Variants in GDAP1L1 observed in about 807,000 individuals in gnomAD.
GDAP1L1 encodes the protein ganglioside-induced differentiation-associated protein 1-like 1.
A neutral mutation model predicts 37.1 loss-of-function variants in GDAP1L1; 21 were observed. The observed-to-expected ratio is 0.57, with a 90% CI of 0.40 to 0.81. The LOEUF (loss-of-function observed/expected upper bound fraction) is 0.81, where lower values mean the gene tolerates loss of function less well. GDAP1L1 is among the 40% of genes least tolerant of loss of function. The pLI, the probability that GDAP1L1 is intolerant of heterozygous loss-of-function variation, is 0.00. For missense variants in GDAP1L1, 362 were observed against 491.6 expected (o/e 0.74, Z 2.49); for synonymous variants, 193 against 209.1 (o/e 0.92, Z 0.67).
chr20:44,261,213 A>G (rs987850297), intron 3 of GDAP1L1, among the ~76,000 whole-genome samples: 4 of 152,198 alleles, frequency 2.6e-5, no homozygotes, highest in African/African-American at 9.7e-5. Flanking sequence ...GCGACCCCTT[A>G]ATCAGTCTCA....
In GDAP1L1 at chr20:44,279,992, C is replaced by G. The variant is rs2062624951; in HGVS notation, c.*692C>G. 1 of 347,138 alleles carries G rather than the reference C, an allele frequency of 2.9e-6. No homozygotes were observed. The highest frequency in any genetic ancestry group is 5.7e-6 in the Non-Finnish European group (1 of 176,180). The allele number at this position is 347,138 out of a possible 1,614,324, so 21.5% of individuals were successfully genotyped here. ...CCTTAGTAGAAATCTCTGAAGGCAGCAGCCATCATCCTCTTCCTACCTTGA... is the reference window on the plus strand; with the variant it reads ...CCTTAGTAGAAATCTCTGAAGGCAGGAGCCATCATCCTCTTCCTACCTTGA... On this transcript the variant is annotated 3_prime_UTR_variant, in exon 6 of 6. Transcript: ENST00000342560.
chr20:44,263,838 T>C (rs2073716230), intron 4 of GDAP1L1, among the ~76,000 whole-genome samples: 1 of 151,902 alleles, frequency 6.6e-6, no homozygotes, highest in African/African-American at 2.4e-5. Context: ...AGTGAGACTC[T>C]GTCTCAAATA....
intron 5 of GDAP1L1, among the ~76,000 whole-genome samples, chr20:44,277,172 C>T (rs185799641): frequency 1.3e-5 from 2 of 152,230 alleles, no homozygotes; most frequent in East Asian, 3.9e-4. Context: ...TTACAGGTAA[C>T]CGCCACCATG....
At position 44,279,014 on chromosome 20, in the gene GDAP1L1, T is replaced by C. The variant is rs2062613760; in HGVS notation, c.818T>C (p.Leu273Pro). The change falls in exon 6 of 6, where the codon CTG becomes CCG. Residue 273 changes from leucine to proline, a missense_variant. By Grantham distance (98) the Leu-to-Pro change is moderately conservative. Transcript: ENST00000342560. ...GCAFTLADVL[L>P]GATLHRLKFL... ...GCCTTCACCCTCGCTGATGTCCTCCTGGGAGCCACCCTGCACCGCCTCAAG... is the reference window on the plus strand; with the variant it reads ...GCCTTCACCCTCGCTGATGTCCTCCCGGGAGCCACCCTGCACCGCCTCAAG... The C allele has an allele frequency of 6.2e-7, 1 of 1,614,034 alleles. No individual in the cohort carries two copies. Among genetic ancestry groups the C allele is most frequent in the South Asian group, 1.1e-5 (1 of 91,086 alleles).
intron 5 of GDAP1L1, among the ~76,000 whole-genome samples, chr20:44,270,256 C>T (rs1389334348): frequency 1.4e-5 from 2 of 147,724 alleles, no homozygotes; most frequent in East Asian, 2.0e-4. Context: ...CTGCAAGCTC[C>T]GCCTCCCGGG....
chr20:44,276,096 C>CGGAT (rs2062569489), intron 5 of GDAP1L1, among the ~76,000 whole-genome samples: 1 of 150,994 alleles, frequency 6.6e-6, no homozygotes. Context: ...CCGAGGCAGG[C>CGGAT]GGATCATCTA....
Position 44,279,889 on chromosome 20 carries a change from A to C in GDAP1L1, c.*589A>C. On this transcript the variant is annotated 3_prime_UTR_variant, in exon 6 of 6. Transcript: ENST00000342560. ...TGAGCCAAGGCAGTGGCACCCAAAA[A>C]CCAGGCTGCAGTGGGGACGGATACC... 2.4e-6 allele frequency: 1 copy of C among 423,968 alleles called. No individual in the cohort carries two copies. 26.3% of individuals were successfully genotyped at this position (423,968 alleles called of 1,614,324 possible).
intron 1 of GDAP1L1, among the ~76,000 whole-genome samples, chr20:44,256,397 C>T (rs750758783): frequency 3.3e-5 from 5 of 152,122 alleles, no homozygotes; most frequent in African/African-American, 4.8e-5. Context: ...TGACCAGGCA[C>T]GGTGGCTAAC....
At chr20:44,267,781 G>T (rs1239594726) in intron 5 of GDAP1L1, among the ~76,000 whole-genome samples, 1 of 152,286 alleles carries the variant, frequency 6.6e-6, no homozygotes. Flanking sequence ...GGTCTGAACT[G>T]GATGGAGGCT....
chr20:44,259,372 T>C (rs1424782442), intron 3 of GDAP1L1, among the ~76,000 whole-genome samples: 2 of 152,164 alleles, frequency 1.3e-5, no homozygotes, highest in African/African-American at 4.8e-5. Context: ...GCTCAGTGAA[T>C]GGTCATGTCG....
At chr20:44,264,991 T>TCACAACTGATAC in intron 5 of GDAP1L1, 1 of 985,174 alleles carries the variant, frequency 1.0e-6, no homozygotes, top group Non-Finnish European at 1.2e-6. Context: ...TTCCAGCATG[T>TCACAACTGATAC]CACAACTGAT....
chr20:44,265,499 C>A, intron 5 of GDAP1L1: 1 of 984,294 alleles, frequency 1.0e-6, no homozygotes, highest in African/African-American at 1.7e-5. Context: ...GGCCGTAGAG[C>A]CCAGGGTCTA....
chr20:44,249,198 G>A (rs1370079837), intron 1 of GDAP1L1, among the ~76,000 whole-genome samples: 1 of 152,008 alleles, frequency 6.6e-6, no homozygotes, highest in Non-Finnish European at 1.5e-5. Flanking sequence ...ACCACACCCG[G>A]CTAATTTTTT....
chr20:44,262,324 G>A (rs1479605754), intron 3 of GDAP1L1, among the ~76,000 whole-genome samples: 1 of 152,048 alleles, frequency 6.6e-6, no homozygotes, highest in Non-Finnish European at 1.5e-5. Context: ...TGAGAAAGAT[G>A]GAGGAGGAAG....
Position 44,248,288 on chromosome 20 carries a change from G to A in GDAP1L1, c.180+774G>A, listed in dbSNP as rs1056667093. Among the ~76,000 whole-genome samples the A allele has an allele frequency of 2.0e-5, 3 of 152,184 alleles. No individual in the cohort carries two copies. The South Asian group carries it at 6.2e-4, about 31-fold the overall frequency. Reference sequence around the variant, plus strand: ...TGAACTGCACCCCTCAGACAGGGGCGCCTCTAGGGGCGCAATCTCCCACCC... The same window carrying A: ...TGAACTGCACCCCTCAGACAGGGGCACCTCTAGGGGCGCAATCTCCCACCC... On this transcript the variant is annotated intron_variant, in intron 1 of 5. Coordinates refer to ENST00000342560, the MANE Select transcript of GDAP1L1 (RefSeq NM_024034.6).
intron 5 of GDAP1L1, among the ~76,000 whole-genome samples, chr20:44,270,323 A>G (rs1278431294): frequency 1.3e-5 from 2 of 151,100 alleles, no homozygotes; most frequent in Non-Finnish European, 2.9e-5. Flanking sequence ...GGCGCCCGCC[A>G]CTACGCCCGG....
intron 1 of GDAP1L1, among the ~76,000 whole-genome samples, chr20:44,255,541 C>CA (rs60318296): frequency 0.055 from 2,486 of 45,588 alleles, 484 homozygotes; most frequent in Non-Finnish European, 0.086. Flanking sequence ...GACTCTGTCT[C>CA]AAAAAAAAAA....
Position 44,278,987 on chromosome 20 carries a change from G to C in GDAP1L1, c.791G>C (p.Cys264Ser). The C allele has an allele frequency of 6.2e-7, 1 of 1,613,604 alleles. No homozygotes were observed. The highest frequency in any genetic ancestry group is 8.5e-7 in the Non-Finnish European group (1 of 1,179,616). ...AAATGCGAGCTGTGGCTCTGTGGCT[G>C]TGCCTTCACCCTCGCTGATGTCCTC... ...GQKCELWLCGCAFTLADVLLG... is the reference protein window; with the variant it reads ...GQKCELWLCGSAFTLADVLLG... The change falls in exon 6 of 6, where the codon TGT becomes TCT. Residue 264 changes from cysteine to serine, a missense_variant. Cys to Ser is a moderately radical substitution (Grantham distance 112). Transcript: ENST00000342560.
intron 5 of GDAP1L1, among the ~76,000 whole-genome samples, chr20:44,274,915 G>T (rs1020040914): frequency 6.6e-6 from 1 of 152,112 alleles, no homozygotes; most frequent in African/African-American, 2.4e-5. Flanking sequence ...TAGTTTTTGA[G>T]ACAGGGTCTC....
Sources: allele counts gnomAD v4.1 joint callset (sites outside exome capture counted in the v4.1 genomes callset), GRCh38; gene constraint gnomAD v4.1.1; transcripts MANE v1.5; gene names NCBI Gene and HGNC (gene_info 2026-07-23, HGNC 2026-07-21).